LHFPL3: variants seen among roughly 807,000 people sequenced by gnomAD.
LHFPL3 encodes the protein LHFPL tetraspan subfamily member 3.
A neutral mutation model predicts 19.3 loss-of-function variants in LHFPL3; 5 were observed. The observed-to-expected ratio is 0.26, with a 90% CI of 0.14 to 0.54. The LOEUF is 0.54. Among genes scored for constraint, LHFPL3 ranks in the 20% least tolerant of loss-of-function variants. The pLI, the probability that LHFPL3 is intolerant of heterozygous loss-of-function variation, is 0.94. For synonymous variants in LHFPL3, 133 were observed against 126.2 expected, an observed-to-expected ratio of 1.05 and a Z score of -0.36; for missense variants, 249 against 307.4, an observed-to-expected ratio of 0.81 and a Z score of 1.42.
At chr7:104,460,677 C>T (rs948865963) in intron 1 of LHFPL3, among the ~76,000 whole-genome samples, 1 of 151,938 alleles carries the variant, frequency 6.6e-6, no homozygotes, top group African/African-American at 2.4e-5. Context: ...ATGTCCTTTG[C>T]CCACTTTTTT....
At chr7:104,384,742 G>A (rs976833445) in intron 1 of LHFPL3, among the ~76,000 whole-genome samples, 5 of 145,366 alleles carry the variant, frequency 3.4e-5, no homozygotes, top group African/African-American at 1.0e-4. Flanking sequence ...AGCCAAGATC[G>A]TGCCACTGTA....
chr7:104,383,254 A>T (rs1562880776), intron 1 of LHFPL3, among the ~76,000 whole-genome samples: 1 of 152,144 alleles, frequency 6.6e-6, no homozygotes, highest in African/African-American at 2.4e-5. Flanking sequence ...TAGCACAGTG[A>T]CTCTGATGTG....
intron 1 of LHFPL3, among the ~76,000 whole-genome samples, chr7:104,704,006 C>T (rs977515272): frequency 1.2e-4 from 19 of 152,168 alleles, no homozygotes; most frequent in Non-Finnish European, 2.5e-4. Flanking sequence ...TACTCATCTA[C>T]CATTTCACTT....
chr7:104,498,026 A>G (rs1793522482), intron 1 of LHFPL3, among the ~76,000 whole-genome samples: 1 of 140,040 alleles, frequency 7.1e-6, no homozygotes, highest in Non-Finnish European at 1.5e-5. Flanking sequence ...GTGGGGTGGA[A>G]CAAGCATAGC....
At chr7:104,532,535 T>C (rs143524158) in intron 1 of LHFPL3, among the ~76,000 whole-genome samples, 84 of 152,186 alleles carry the variant, frequency 5.5e-4, no homozygotes, top group African/African-American at 1.7e-3. Flanking sequence ...TAGACTTCTC[T>C]TTCTTCTCCC....
chr7:104,667,257 G>A (rs60561120), intron 1 of LHFPL3, among the ~76,000 whole-genome samples: 68,399 of 149,848 alleles, frequency 0.46, 16,187 homozygotes, highest in East Asian at 0.75. Flanking sequence ...ACAATCATCT[G>A]TTTTCTTGGG....
intron 2 of LHFPL3, chr7:104,752,690 G>A (rs1201225155): frequency 2.6e-6 from 1 of 387,338 alleles, no homozygotes; most frequent in Non-Finnish European, 4.6e-6. Context: ...TATCACCCTA[G>A]CTTCTTCCGA....
intron 2 of LHFPL3, among the ~76,000 whole-genome samples, chr7:104,886,252 A>C (rs1170586378): frequency 6.6e-6 from 1 of 152,214 alleles, no homozygotes; most frequent in Non-Finnish European, 1.5e-5. Flanking sequence ...GAATGACTGA[A>C]TGAGTGAATG....
At chr7:104,504,418 A>T (rs759296365) in intron 1 of LHFPL3, among the ~76,000 whole-genome samples, 5 of 152,172 alleles carry the variant, frequency 3.3e-5, no homozygotes, top group Non-Finnish European at 7.3e-5. Flanking sequence ...TTAGATTTTC[A>T]TCCTAAATCT....
intron 2 of LHFPL3, among the ~76,000 whole-genome samples, chr7:104,753,034 C>A (rs1380696490): frequency 6.6e-6 from 1 of 152,278 alleles, no homozygotes; most frequent in Non-Finnish European, 1.5e-5. Context: ...CAAATGAAAT[C>A]TTTATTTTTA....
At chr7:104,603,126 CTTT>C in intron 1 of LHFPL3, among the ~76,000 whole-genome samples, 13 of 101,126 alleles carry the variant, frequency 1.3e-4, no homozygotes, top group African/African-American at 4.1e-4. Context: ...TTCTTTCTTT[CTTT>C]CTTTTTTCCC....
At chr7:104,473,011 A>G (rs1180431068) in intron 1 of LHFPL3, among the ~76,000 whole-genome samples, 1 of 152,208 alleles carries the variant, frequency 6.6e-6, no homozygotes, top group Non-Finnish European at 1.5e-5. Flanking sequence ...CTAATAAAAG[A>G]AATTCAAAAT....
chr7:104,346,199 C>A (rs1357229189), intron 1 of LHFPL3, among the ~76,000 whole-genome samples: 2 of 151,964 alleles, frequency 1.3e-5, no homozygotes, highest in African/African-American at 4.8e-5. Flanking sequence ...CCATGCCTGG[C>A]TAATTTTTGT....
intron 1 of LHFPL3, among the ~76,000 whole-genome samples, chr7:104,476,206 T>C (rs1159480401): frequency 2.0e-5 from 3 of 152,158 alleles, no homozygotes; most frequent in Non-Finnish European, 2.9e-5. Context: ...CAAAATCCCA[T>C]CAAAGGTTTT....
At chr7:104,633,229 G>A (rs1791675661) in intron 1 of LHFPL3, among the ~76,000 whole-genome samples, 1 of 152,182 alleles carries the variant, frequency 6.6e-6, no homozygotes, top group Non-Finnish European at 1.5e-5. Flanking sequence ...ACATCAGTCA[G>A]TCCTGAGTGC....
At chr7:104,329,665 C>T (rs1461912660) in intron 1 of LHFPL3, among the ~76,000 whole-genome samples, 1 of 152,130 alleles carries the variant, frequency 6.6e-6, no homozygotes, top group African/African-American at 2.4e-5. Context: ...CCCTGCCCCT[C>T]GCTGCTGGGA....
intron 1 of LHFPL3, among the ~76,000 whole-genome samples, chr7:104,458,774 G>A (rs1167572040): frequency 2.0e-5 from 3 of 151,438 alleles, no homozygotes; most frequent in African/African-American, 7.3e-5. Flanking sequence ...TTCACCTTCA[G>A]CCATTCTACG....
At chr7:104,559,108 T>C (rs899128878) in intron 1 of LHFPL3, among the ~76,000 whole-genome samples, 1 of 146,134 alleles carries the variant, frequency 6.8e-6, no homozygotes, top group African/African-American at 2.6e-5. Flanking sequence ...TGAAGTCAGG[T>C]AGTGTGATGC....
At chr7:104,621,860 C>T (rs1027300165) in intron 1 of LHFPL3, among the ~76,000 whole-genome samples, 11 of 152,172 alleles carry the variant, frequency 7.2e-5, no homozygotes, top group Admixed American at 1.3e-4. Context: ...TCTAGGTCCC[C>T]AAAGAAATAA....
Sources: allele counts gnomAD v4.1 joint callset (sites outside exome capture counted in the v4.1 genomes callset), GRCh38; gene constraint gnomAD v4.1.1; transcripts MANE v1.5; gene names NCBI Gene and HGNC (gene_info 2026-07-23, HGNC 2026-07-21).